Variants in ENTREP2 observed in about 807,000 individuals in gnomAD.
ENTREP2 encodes endosomal transmembrane epsin interactor 2.
At chr15:29,642,333 G>A in the ENTREP2 span, among the ~76,000 whole-genome samples, 6 of 151,688 alleles carry the variant, frequency 4.0e-5, no homozygotes, top group African/African-American at 1.5e-4. Flanking sequence ...AAATGAACCT[G>A]TGCATCTCTA....
At chr15:29,379,511 C>T in the ENTREP2 span, among the ~76,000 whole-genome samples, 6 of 152,158 alleles carry the variant, frequency 3.9e-5, no homozygotes, top group Non-Finnish European at 7.4e-5. Flanking sequence ...CAGTGCTGAC[C>T]ACCTCCCAGA....
the ENTREP2 span, among the ~76,000 whole-genome samples, chr15:29,227,957 A>G: frequency 2.6e-5 from 4 of 151,056 alleles, no homozygotes; most frequent in African/African-American, 9.7e-5. Context: ...TCTCATAAAC[A>G]TAAGTAGACA....
chr15:29,564,962 A>G, the ENTREP2 span, among the ~76,000 whole-genome samples: 4 of 152,284 alleles, frequency 2.6e-5, no homozygotes, highest in Non-Finnish European at 5.9e-5. Flanking sequence ...TCCCCATAAA[A>G]CATGTTCTGA....
chr15:29,172,696 C>G, the ENTREP2 span, among the ~76,000 whole-genome samples: 1 of 152,072 alleles, frequency 6.6e-6, no homozygotes, highest in Non-Finnish European at 1.5e-5. Context: ...GTTGGTGGAG[C>G]CAACATCTCT....
chr15:29,128,354 T>C, the ENTREP2 span, among the ~76,000 whole-genome samples: 9 of 152,250 alleles, frequency 5.9e-5, 1 homozygote, highest in Admixed American at 5.9e-4. Flanking sequence ...CTCAAGGACA[T>C]GACTTCCAGC....
chr15:29,601,186 C>A, the ENTREP2 span, among the ~76,000 whole-genome samples: 2 of 148,774 alleles, frequency 1.3e-5, no homozygotes, highest in Non-Finnish European at 2.9e-5. Context: ...CGTGAGCCAC[C>A]GCGCCCGGCC....
At chr15:29,620,085 C>A in the ENTREP2 span, among the ~76,000 whole-genome samples, 1 of 152,060 alleles carries the variant, frequency 6.6e-6, no homozygotes, top group African/African-American at 2.4e-5. Flanking sequence ...AATGTGGGAA[C>A]TGGTTAGAGT....
chr15:29,141,127 C>A, the ENTREP2 span, among the ~76,000 whole-genome samples: 2 of 152,210 alleles, frequency 1.3e-5, no homozygotes, highest in Non-Finnish European at 2.9e-5. Flanking sequence ...TGGCCTTGGG[C>A]AGCTTCCCAA....
chr15:29,596,473 C>T, the ENTREP2 span, among the ~76,000 whole-genome samples: 1 of 152,096 alleles, frequency 6.6e-6, no homozygotes, highest in Non-Finnish European at 1.5e-5. Flanking sequence ...CCCTAGGGGG[C>T]ACAACTTTAT....
the ENTREP2 span, among the ~76,000 whole-genome samples, chr15:29,270,758 T>C: frequency 6.6e-6 from 1 of 152,248 alleles, no homozygotes; most frequent in Admixed American, 6.5e-5. Context: ...ATGAGTCATT[T>C]CATTAACTCA....
the ENTREP2 span, among the ~76,000 whole-genome samples, chr15:29,309,831 G>A: frequency 6.0e-5 from 9 of 150,828 alleles, no homozygotes; most frequent in Admixed American, 2.0e-4. Context: ...CTATCCCATA[G>A]GACGACTGTG....
chr15:29,421,647 T>C, the ENTREP2 span, among the ~76,000 whole-genome samples: 1,777 of 152,338 alleles, frequency 0.012, 37 homozygotes, highest in African/African-American at 0.041. Flanking sequence ...TCCTTAGTAA[T>C]ATGAAACTTA....
chr15:29,214,860 C>T, the ENTREP2 span, among the ~76,000 whole-genome samples: 1,624 of 152,178 alleles, frequency 0.011, 39 homozygotes, highest in African/African-American at 0.038. Context: ...TATGGCCTAT[C>T]GGGCTATCTT....
the ENTREP2 span, among the ~76,000 whole-genome samples, chr15:29,283,387 C>A: frequency 6.6e-6 from 1 of 152,268 alleles, no homozygotes; most frequent in East Asian, 1.9e-4. Flanking sequence ...CTTGCTCTGT[C>A]ACCCAGGCTA....
the ENTREP2 span, among the ~76,000 whole-genome samples, chr15:29,260,287 C>A: frequency 6.6e-6 from 1 of 152,140 alleles, no homozygotes; most frequent in African/African-American, 2.4e-5. Context: ...AAAAGTAAAC[C>A]ATAGACTAAC....
At chr15:29,614,602 C>T in the ENTREP2 span, among the ~76,000 whole-genome samples, 1 of 152,198 alleles carries the variant, frequency 6.6e-6, no homozygotes, top group Non-Finnish European at 1.5e-5. Flanking sequence ...TCCCATCTGC[C>T]CAATTAATAT....
At chr15:29,562,272 TG>T in the ENTREP2 span, among the ~76,000 whole-genome samples, 1 of 152,208 alleles carries the variant, frequency 6.6e-6, no homozygotes, top group Non-Finnish European at 1.5e-5. Context: ...GAAATTGGAA[TG>T]GGGTCTACAG....
At chr15:29,459,181 C>T in the ENTREP2 span, among the ~76,000 whole-genome samples, 3 of 152,354 alleles carry the variant, frequency 2.0e-5, no homozygotes, top group South Asian at 6.2e-4. Context: ...CGCACCACTC[C>T]ATGCGTCCCC....
chr15:29,273,831 A>G, the ENTREP2 span, among the ~76,000 whole-genome samples: 42 of 152,246 alleles, frequency 2.8e-4, no homozygotes, highest in African/African-American at 9.1e-4. Flanking sequence ...TTGGACTTAC[A>G]CTAGTGGTTT....
Sources: allele counts gnomAD v4.1 joint callset (sites outside exome capture counted in the v4.1 genomes callset), GRCh38; gene constraint gnomAD v4.1.1; transcripts MANE v1.5; gene names NCBI Gene and HGNC (gene_info 2026-07-23, HGNC 2026-07-21).